Variants in MOB3B observed in about 807,000 individuals in gnomAD.
The protein encoded by MOB3B is MOB kinase activator 3B, also known as MOB kinase activator-like 2B.
MOB3B carries 7 observed loss-of-function variants against 18.7 expected under a neutral mutation model. That is an observed-to-expected ratio of 0.37 (90% CI 0.21 to 0.70). The LOEUF is 0.70. MOB3B is among the 30% of genes least tolerant of loss of function. MOB3B has a pLI of 0.52. For missense variants in MOB3B, 253 were observed against 281.3 expected (o/e 0.90, Z 0.72); for synonymous variants, 111 against 99.9 (o/e 1.11, Z -0.66).
intron 2 of MOB3B, among the ~76,000 whole-genome samples, chr9:27,408,554 C>G (rs1339128889): frequency 1.3e-5 from 2 of 152,136 alleles, no homozygotes; most frequent in African/African-American, 2.4e-5. Flanking sequence ...TTTCCCAGTG[C>G]ATTATTTTGC....
chr9:27,365,440 A>T (rs1232090006), intron 2 of MOB3B, among the ~76,000 whole-genome samples: 1 of 150,068 alleles, frequency 6.7e-6, no homozygotes, highest in African/African-American at 2.5e-5. Flanking sequence ...GCCAGACAAC[A>T]TTAACCAGCA....
intron 2 of MOB3B, among the ~76,000 whole-genome samples, chr9:27,439,288 T>A (rs1286587834): frequency 6.6e-6 from 1 of 152,200 alleles, no homozygotes; most frequent in Non-Finnish European, 1.5e-5. Context: ...GTCTGCTCAT[T>A]TCTTAATTGT....
chr9:27,411,707 G>A (rs1563862167), intron 2 of MOB3B, among the ~76,000 whole-genome samples: 1 of 152,140 alleles, frequency 6.6e-6, no homozygotes, highest in Non-Finnish European at 1.5e-5. Flanking sequence ...TGGAGCAGAG[G>A]GGATTTTTAG....
At chr9:27,352,779 A>G (rs929144709) in intron 3 of MOB3B, among the ~76,000 whole-genome samples, 9 of 152,224 alleles carry the variant, frequency 5.9e-5, no homozygotes, top group African/African-American at 1.7e-4. Flanking sequence ...TATCTCTAAG[A>G]TGTCAATGAG....
chr9:27,453,501 C>T (rs548341072), intron 2 of MOB3B, among the ~76,000 whole-genome samples: 1 of 152,192 alleles, frequency 6.6e-6, no homozygotes, highest in African/African-American at 2.4e-5. Flanking sequence ...TAGAGGCATC[C>T]ATTAATTTCT....
At chr9:27,344,894 T>C (rs908345426) in intron 3 of MOB3B, among the ~76,000 whole-genome samples, 2 of 152,344 alleles carry the variant, frequency 1.3e-5, no homozygotes, top group Non-Finnish European at 1.5e-5. Flanking sequence ...AATAGGCACA[T>C]ACAATAACAA....
chr9:27,475,112 T>C (rs900106295), intron 1 of MOB3B, among the ~76,000 whole-genome samples: 2 of 152,234 alleles, frequency 1.3e-5, no homozygotes, highest in African/African-American at 4.8e-5. Flanking sequence ...TGCCATGTTG[T>C]GAGCTCTCCT....
chr9:27,342,902 G>A (rs1341516181), intron 3 of MOB3B, among the ~76,000 whole-genome samples: 1 of 150,930 alleles, frequency 6.6e-6, no homozygotes, highest in Non-Finnish European at 1.5e-5. Context: ...TCTGGGAAGT[G>A]AGGAGCGTCT....
chr9:27,499,568 A>C lies in MOB3B; in HGVS notation c.-199+29987T>G, dbSNP rs1481621643. Among the ~76,000 whole-genome samples the C allele has an allele frequency of 2.0e-5, 3 of 152,338 alleles. No individual in the cohort carries two copies. The East Asian group carries it at 5.8e-4, about 29-fold the overall frequency. ...AATGAGTAACTCACATATTCACAGC[A>C]CTGTCCAAATTAATGAACAGGTCCC... On this transcript the variant is annotated intron_variant, in intron 1 of 3. Coordinates refer to ENST00000262244, the MANE Select transcript of MOB3B (RefSeq NM_024761.5).
chr9:27,393,419 G>A (rs982591104), intron 2 of MOB3B, among the ~76,000 whole-genome samples: 11 of 151,792 alleles, frequency 7.2e-5, no homozygotes, highest in Non-Finnish European at 4.4e-5. Context: ...GGTAGAGAGA[G>A]GAGGAAGTGG....
intron 2 of MOB3B, among the ~76,000 whole-genome samples, chr9:27,360,687 G>A (rs142694758): frequency 6.6e-6 from 1 of 152,334 alleles, no homozygotes; most frequent in East Asian, 1.9e-4. Context: ...GCTGTCTGGT[G>A]AGACACTGTA....
chr9:27,409,706 T>C (rs1330668358), intron 2 of MOB3B, among the ~76,000 whole-genome samples: 2 of 152,050 alleles, frequency 1.3e-5, no homozygotes, highest in Admixed American at 6.6e-5. Flanking sequence ...AATAGATAAA[T>C]GGATAAACAA....
chr9:27,486,531 A>G (rs567998817), intron 1 of MOB3B, among the ~76,000 whole-genome samples: 2 of 152,366 alleles, frequency 1.3e-5, no homozygotes, highest in South Asian at 4.1e-4. Flanking sequence ...AAGTGGATCA[A>G]GCCTAACTAA....
At chr9:27,485,877 A>G (rs774545838) in intron 1 of MOB3B, among the ~76,000 whole-genome samples, 1 of 152,244 alleles carries the variant, frequency 6.6e-6, no homozygotes, top group African/African-American at 2.4e-5. Flanking sequence ...TGCTAACCAC[A>G]TAAGTGCAAA....
chr9:27,436,446 T>A (rs1822502793), intron 2 of MOB3B, among the ~76,000 whole-genome samples: 1 of 152,168 alleles, frequency 6.6e-6, no homozygotes, highest in Non-Finnish European at 1.5e-5. Context: ...GTCATGCACG[T>A]TTTGTTTCCC....
In MOB3B at chr9:27,327,976, T is replaced by C. The variant is rs1453427227; in HGVS notation, c.*2611A>G. On this transcript the variant is annotated 3_prime_UTR_variant, in exon 4 of 4. Coordinates refer to ENST00000262244, the MANE Select transcript of MOB3B (RefSeq NM_024761.5). ...GGTGCGGTGGTACATGCCATAGTCCTGGCTACTCAGGAGGCTAAGGTTGAA... is the reference window on the plus strand; with the variant it reads ...GGTGCGGTGGTACATGCCATAGTCCCGGCTACTCAGGAGGCTAAGGTTGAA... The C allele has an allele frequency of 6.6e-6, 1 of 151,742 alleles. No individual in the cohort carries two copies. Among genetic ancestry groups the C allele is most frequent in the Non-Finnish European group, 1.5e-5 (1 of 67,944 alleles). 9.4% of individuals were successfully genotyped at this position (151,742 alleles called of 1,614,324 possible).
chr9:27,348,374 C>T (rs1296791131), intron 3 of MOB3B, among the ~76,000 whole-genome samples: 2 of 151,908 alleles, frequency 1.3e-5, no homozygotes, highest in Admixed American at 6.5e-5. Context: ...GAAATATGGC[C>T]AGGCCTGGTG....
chr9:27,498,297 C>G (rs1819931574), intron 1 of MOB3B, among the ~76,000 whole-genome samples: 1 of 152,162 alleles, frequency 6.6e-6, no homozygotes, highest in African/African-American at 2.4e-5. Flanking sequence ...CAGCGTTTTC[C>G]AAGCTACTCC....
intron 1 of MOB3B, among the ~76,000 whole-genome samples, chr9:27,487,126 G>A (rs1819738986): frequency 4.4e-5 from 1 of 22,504 alleles, no homozygotes; most frequent in Non-Finnish European, 1.2e-4. Flanking sequence ...GTAAGATTCT[G>A]TCTCAAAAAT....
Sources: gnomAD v4.1 joint callset for allele counts (sites outside exome capture counted in the v4.1 genomes callset) on GRCh38, gnomAD v4.1.1 for gene constraint, MANE v1.5 for transcripts, NCBI Gene and HGNC (gene_info 2026-07-23, HGNC 2026-07-21) for gene names.